Variants in SLK observed in about 807,000 individuals in gnomAD.
SLK encodes the protein STE20-like serine/threonine-protein kinase.
SLK carries 67 observed loss-of-function variants against 147.7 expected under a neutral mutation model. The ratio of observed to expected loss-of-function variants is 0.45; its 90% CI spans 0.37 to 0.56. The LOEUF (loss-of-function observed/expected upper bound fraction) is 0.56, where lower values mean the gene tolerates loss of function less well. Among genes scored for constraint, SLK ranks in the 20% least tolerant of loss-of-function variants. The pLI, the probability that SLK is intolerant of heterozygous loss-of-function variation, is 0.00. For missense variants in SLK, 1,136 were observed against 1,438.8 expected (o/e 0.79, Z 3.41); for synonymous variants, 441 against 475.0 (o/e 0.93, Z 0.93).
chr10:104,015,361 C>A (rs1844449023), intron 13 of SLK, among the ~76,000 whole-genome samples: 1 of 152,246 alleles, frequency 6.6e-6, no homozygotes, highest in South Asian at 2.1e-4. Flanking sequence ...ACAGTCATAG[C>A]TCCTCTTTAC....
At chr10:103,989,469 T>C (rs1004536702) in intron 1 of SLK, among the ~76,000 whole-genome samples, 51 of 139,188 alleles carry the variant, frequency 3.7e-4, no homozygotes, top group Non-Finnish European at 6.2e-4. Context: ...AGTTTCTTTT[T>C]TTTTTTTTTT....
In SLK at chr10:104,021,720, G is replaced by C; in HGVS notation, c.3548G>C (p.Arg1183Thr). Reference sequence around the variant, plus strand: ...TTAAAGGAGTGGAGAGAGAAATTGAGACCTAGGAAAAAGGTAATTTTAAAA... The same window carrying C: ...TTAAAGGAGTGGAGAGAGAAATTGACACCTAGGAAAAAGGTAATTTTAAAA... The part of the protein sequence containing the change: ...QELKEWREKL[R>T]PRKKTLEEEF... Residue 1183 changes from arginine (R) to threonine (T), a missense_variant, in exon 18 of 19, where the codon AGA becomes ACA. Physicochemically the swap from Arg to Thr is moderately conservative, Grantham distance 71. Transcript: ENST00000369755. 6.3e-7 allele frequency: 1 copy of C among 1,576,408 alleles called. No homozygotes were observed. Among genetic ancestry groups the C allele is most frequent in the African/African-American group, 1.4e-5 (1 of 74,040 alleles).
At chr10:104,025,446 C>A in intron 18 of SLK, 128 bp from the exon 19 acceptor site, 1 of 806,282 alleles carries the variant, frequency 1.2e-6, no homozygotes, top group Non-Finnish European at 1.9e-6. Flanking sequence ...AAAAATTGAG[C>A]AGGCGTGTCT....
chr10:103,985,837 CAA>C (rs1397955828), intron 1 of SLK, among the ~76,000 whole-genome samples: 1 of 152,102 alleles, frequency 6.6e-6, no homozygotes, highest in African/African-American at 2.4e-5. Context: ...TCTGTTCAAA[CAA>C]GAGTAATATG....
chr10:104,022,136 G>T (rs1335072151), intron 18 of SLK, among the ~76,000 whole-genome samples: 1 of 152,098 alleles, frequency 6.6e-6, no homozygotes, highest in Non-Finnish European at 1.5e-5. Flanking sequence ...GAGAATGAGT[G>T]AAAAGGAAGC....
chr10:104,003,675 A>G (rs1477381332), intron 9 of SLK, 148 bp downstream of exon 9: 1 of 730,022 alleles, frequency 1.4e-6, no homozygotes, highest in African/African-American at 1.8e-5. Flanking sequence ...AAGCAATTAA[A>G]AAGAACTAAG....
chr10:104,004,955 A>T (rs1460244505), intron 9 of SLK, among the ~76,000 whole-genome samples: 1 of 152,144 alleles, frequency 6.6e-6, no homozygotes, highest in Non-Finnish European at 1.5e-5. Flanking sequence ...GTAACCCTAA[A>T]ATCATACATA....
intron 12 of SLK, 24 bp from the exon 13 acceptor site, chr10:104,010,792 C>T (rs1564661297): frequency 1.4e-6 from 2 of 1,415,110 alleles, no homozygotes; most frequent in Admixed American, 2.5e-5. Flanking sequence ...ATTTCCCCAC[C>T]TCCTGCATGC....
rs987351012 is a variant in SLK at position 104,027,588 on chromosome 10, C to T, written c.*1868C>T. 3 of 152,430 alleles carry T rather than the reference C, an allele frequency of 2.0e-5. No homozygotes were observed. Among genetic ancestry groups the T allele is most frequent in the African/African-American group, 7.2e-5 (3 of 41,380 alleles). 9.4% of individuals were successfully genotyped at this position (152,430 alleles called of 1,614,324 possible). A position where few individuals can be genotyped will look rare whatever the true frequency, so the allele number is the denominator to read the frequency against. On this transcript the variant is annotated 3_prime_UTR_variant, in exon 19 of 19. Coordinates refer to ENST00000369755, the MANE Select transcript of SLK (RefSeq NM_014720.4). Reference sequence around the variant, plus strand: ...ATAAAAATGACAGTATAATGTTGCCCAGTGTATTTAATGATTTATTTGAAG... The same window carrying T: ...ATAAAAATGACAGTATAATGTTGCCTAGTGTATTTAATGATTTATTTGAAG...
chr10:104,025,381 A>G (rs896008140), intron 18 of SLK, among the ~76,000 whole-genome samples, 193 bp from the exon 19 acceptor site: 1 of 152,220 alleles, frequency 6.6e-6, no homozygotes, highest in African/African-American at 2.4e-5. Flanking sequence ...CAAATTGTCC[A>G]TTTATGTGGC....
intron 1 of SLK, among the ~76,000 whole-genome samples, chr10:103,978,330 C>T (rs1182012840): frequency 6.6e-6 from 1 of 152,082 alleles, no homozygotes; most frequent in African/African-American, 2.4e-5. Context: ...TCACACAGAT[C>T]TTTAACATAA....
rs892492641 is a variant in SLK at position 103,975,045 on chromosome 10, GT to G, written c.150+7152del. 2.6e-5 allele frequency among the ~76,000 whole-genome samples: 4 copies of G among 151,470 alleles called. 1 individual carries two copies. Among genetic ancestry groups the G allele is most frequent in the Admixed American group, 2.6e-4 (4 of 15,198 alleles). On this transcript the variant is annotated intron_variant, in intron 1 of 18. Coordinates refer to ENST00000369755, the MANE Select transcript of SLK (RefSeq NM_014720.4). Reference sequence around the variant, plus strand: ...GTCTGTTCGTCACACTCCTTTGCTGGTTCTTCCTCTTTCTGACTTTAAGGTG... The same window carrying G: ...GTCTGTTCGTCACACTCCTTTGCTGGTCTTCCTCTTTCTGACTTTAAGGTG...
chr10:103,971,213 T>C (rs1663554167), intron 1 of SLK, among the ~76,000 whole-genome samples: 1 of 152,062 alleles, frequency 6.6e-6, no homozygotes, highest in Admixed American at 6.6e-5. Context: ...AATGAAGATA[T>C]GTAATATCCT....
rs1844598642 is a variant in SLK at position 104,026,303 on chromosome 10, A to G, written c.*583A>G. 1.3e-5 allele frequency: 2 copies of G among 152,670 alleles called. No individual in the cohort carries two copies. Among genetic ancestry groups the G allele is most frequent in the Non-Finnish European group, 2.9e-5 (2 of 68,034 alleles). The allele number at this position is 152,670 out of a possible 1,614,324, so 9.5% of individuals were successfully genotyped here. A position where few individuals can be genotyped will look rare whatever the true frequency, so the allele number is the denominator to read the frequency against. On this transcript the variant is annotated 3_prime_UTR_variant, in exon 19 of 19. Coordinates refer to ENST00000369755, the MANE Select transcript of SLK (RefSeq NM_014720.4). The stretch of plus-strand genomic sequence containing the variant: ...GTCAAAACGAATTACCTCTTTTGGC[A>G]TGAGCTAATAATTGAGGGTGCTAAT...
chr10:104,018,672 G>A, intron 14 of SLK, 112 bp from the exon 15 acceptor site: 2 of 1,080,010 alleles, frequency 1.9e-6, no homozygotes, highest in Non-Finnish European at 2.7e-6. Flanking sequence ...ATGTCAACAT[G>A]TGTGTACGAG....
At chr10:104,000,321 T>C (rs1464818174) in intron 7 of SLK, among the ~76,000 whole-genome samples, 1 of 152,228 alleles carries the variant, frequency 6.6e-6, no homozygotes, top group Non-Finnish European at 1.5e-5. Context: ...TTAAAGCGAT[T>C]GGGTAAATTT....
At chr10:104,007,914 TG>T (rs1393113661) in intron 11 of SLK, among the ~76,000 whole-genome samples, 1 of 152,104 alleles carries the variant, frequency 6.6e-6, no homozygotes, top group African/African-American at 2.4e-5. Context: ...ATTGTGCAAC[TG>T]CACTCCAGCC....
At chr10:103,986,922 C>T (rs1354259843) in intron 1 of SLK, among the ~76,000 whole-genome samples, 4 of 152,016 alleles carry the variant, frequency 2.6e-5, no homozygotes, top group Non-Finnish European at 5.9e-5. Flanking sequence ...GTGATCCGCC[C>T]GCCTTGGCCT....
intron 9 of SLK, 78 bp downstream of exon 9, chr10:104,003,605 G>A: frequency 4.9e-6 from 6 of 1,217,750 alleles, no homozygotes; most frequent in Non-Finnish European, 4.5e-6. Context: ...TTGATGTCTT[G>A]AAAATAAAAC....
Sources: allele counts gnomAD v4.1 joint callset (sites outside exome capture counted in the v4.1 genomes callset), GRCh38; gene constraint gnomAD v4.1.1; transcripts MANE v1.5; gene names NCBI Gene and HGNC (gene_info 2026-07-23, HGNC 2026-07-21).